NBPF26: variants seen among roughly 807,000 people sequenced by gnomAD.
NBPF26 encodes the protein NBPF member 26.
NBPF26 carries 79 observed loss-of-function variants against 119.6 expected under a neutral mutation model. The observed-to-expected ratio is 0.66, with a 90% CI of 0.55 to 0.80. The LOEUF (loss-of-function observed/expected upper bound fraction) is 0.80. NBPF26 is among the 30% of genes least tolerant of loss of function. The pLI is 0.00. For synonymous variants in NBPF26, 299 were observed against 457.7 expected, an observed-to-expected ratio of 0.65 and a Z score of 4.43; for missense variants, 800 against 1,198.2, an observed-to-expected ratio of 0.67 and a Z score of 4.91.
Position 120,765,241 on chromosome 1 carries a change from C to G in NBPF26, c.155+1532C>G, listed in dbSNP as rs1283396616. ...AGATAATAAGGGAGGGAACTTAATA[C>G]CTTAGAGTAGGCCACTGAAATCTTG... is the stretch of plus-strand genomic sequence containing the variant. On this transcript the variant is annotated intron_variant, in intron 2 of 29. Transcript: ENST00000620612. 1.9e-5 allele frequency among the ~76,000 whole-genome samples: 2 copies of G among 102,922 alleles called. 1 individual carries two copies. Among genetic ancestry groups the G allele is most frequent in the Non-Finnish European group, 3.7e-5 (2 of 53,802 alleles). The allele number at this position is 102,922 out of a possible 152,430, so 67.5% of individuals were successfully genotyped here.
intron 4 of NBPF26, among the ~76,000 whole-genome samples, chr1:120,794,803 GT>G (rs1372869859): frequency 3.0e-5 from 1 of 33,546 alleles, no homozygotes. Context: ...ATTACTTTTA[GT>G]TTCTCTTTTA....
In NBPF26 at chr1:120,811,870, C is replaced by T; in HGVS notation, c.1565-16C>T. ...CAGTTTTTAACCCATCATGTGTTTG[C>T]CTTTCTTCTCCCCAGTCCCTGGCCC... On this transcript the variant is annotated splice_polypyrimidine_tract_variant and intron_variant, in intron 9 of 29. Coordinates refer to ENST00000620612, the Ensembl canonical transcript of NBPF26. 3.8e-6 allele frequency: 3 copies of T among 797,030 alleles called. No individual in the cohort carries two copies. The highest frequency in any genetic ancestry group is 1.4e-5 in the South Asian group (1 of 69,490). The allele number at this position is 797,030 out of a possible 1,614,324, so 49.4% of individuals were successfully genotyped here. A position where few individuals can be genotyped will look rare whatever the true frequency, so the allele number is the denominator to read the frequency against.
At chr1:120,809,570 A>T (rs1651804627) in intron 7 of NBPF26, among the ~76,000 whole-genome samples, 1 of 151,880 alleles carries the variant, frequency 6.6e-6, no homozygotes, top group Non-Finnish European at 1.5e-5. Flanking sequence ...CTCCAGTGAT[A>T]TGGGAAGCAA....
chr1:120,777,459 G>T lies in NBPF26; in HGVS notation c.156-7515G>T, dbSNP rs1408619611. 7.1e-4 allele frequency among the ~76,000 whole-genome samples: 76 copies of T among 106,468 alleles called. 29 individuals are homozygous for T. The highest frequency in any genetic ancestry group is 4.5e-3 in the African/African-American group (76 of 17,006). The allele number at this position is 106,468 out of a possible 152,430, so 69.8% of individuals were successfully genotyped here. On this transcript the variant is annotated intron_variant, in intron 2 of 29. Coordinates refer to ENST00000620612, the Ensembl canonical transcript of NBPF26. ...AAAGTGTGTATGTGTGTGTGTACGT[G>T]TGTGAGAGTGAGAGATTGTATACTT...
chr1:120,813,061 G>A (rs1210952445), intron 10 of NBPF26, among the ~76,000 whole-genome samples: 2,073 of 118,030 alleles, frequency 0.018, 13 homozygotes, highest in Non-Finnish European at 0.024. Flanking sequence ...GATCGCACCC[G>A]AGAATGTGTG....
intron 16 of NBPF26, among the ~76,000 whole-genome samples, 181 bp from the exon 17 acceptor site, chr1:120,823,127 GA>G (rs1652157777): frequency 8.7e-6 from 1 of 114,746 alleles, no homozygotes; most frequent in Admixed American, 8.4e-5. Context: ...CAAGGCTCAT[GA>G]AAGAACCCAA....
Position 120,823,847 on chromosome 1 carries a change from T to C in NBPF26, c.2640-127T>C, listed in dbSNP as rs1207687835. On this transcript the variant is annotated intron_variant, in intron 17 of 29. Transcript: ENST00000620612. ...ATCCCAACATAAAGGCAATAATCTG[T>C]TACCTCATTAATGGATCTGTCCTTT... The C allele has an allele frequency of 1.1e-5, 6 of 558,840 alleles. 1 individual carries two copies. Among genetic ancestry groups the C allele is most frequent in the Non-Finnish European group, 1.9e-5 (6 of 315,866 alleles). The allele number at this position is 558,840 out of a possible 1,614,324, so 34.6% of individuals were successfully genotyped here.
intron 2 of NBPF26, 36 bp from the exon 3 acceptor site, chr1:120,784,938 C>G: frequency 8.0e-7 from 1 of 1,242,254 alleles, no homozygotes; most frequent in Non-Finnish European, 1.1e-6. Flanking sequence ...TACAAGAAGT[C>G]AGGTGTTTTC....
At chr1:120,787,176 AAT>A (rs1339303940) in intron 3 of NBPF26, among the ~76,000 whole-genome samples, 1 of 91,534 alleles carries the variant, frequency 1.1e-5, no homozygotes. Context: ...TGGCAATCTT[AAT>A]ATATATATAT....
In NBPF26 at chr1:120,810,990, G is replaced by A. The variant is rs1553270902; in HGVS notation, c.1564+432G>A. ...GCGCAGTGGGTCACACCTGTAATCC[G>A]AGCACTTTGGGAGGCCGAGGCGGGT... On this transcript the variant is annotated intron_variant, in intron 9 of 29. Coordinates refer to ENST00000620612, the Ensembl canonical transcript of NBPF26. 3.8e-5 allele frequency among the ~76,000 whole-genome samples: 4 copies of A among 105,306 alleles called. 1 individual carries two copies. The highest frequency in any genetic ancestry group is 1.8e-4 in the African/African-American group (3 of 17,134). The allele number at this position is 105,306 out of a possible 152,430, so 69.1% of individuals were successfully genotyped here.
downstream of NBPF26, chr1:120,840,631 G>A: frequency 6.9e-7 from 1 of 1,453,260 alleles, no homozygotes; most frequent in Non-Finnish European, 9.2e-7. Context: ...ATTCCTGCAG[G>A]CAGGACCTAT....
chr1:120,758,233 G>T (rs1651096443), intron 1 of NBPF26, among the ~76,000 whole-genome samples: 1 of 121,432 alleles, frequency 8.2e-6, no homozygotes, highest in Non-Finnish European at 1.6e-5. Flanking sequence ...GCCAGCATGG[G>T]AGCCTAGACT....
intron 16 of NBPF26, among the ~76,000 whole-genome samples, chr1:120,823,080 T>A (rs1290055800): frequency 2.5e-5 from 3 of 118,910 alleles, no homozygotes; most frequent in African/African-American, 8.5e-5. Context: ...ACAGAGCACA[T>A]AGGGAAGATA....
downstream of NBPF26, chr1:120,840,795 T>C (rs2101559039): frequency 1.6e-6 from 1 of 640,184 alleles, no homozygotes; most frequent in East Asian, 2.8e-5. Context: ...GTGTGACACG[T>C]TCACATAACT....
At position 120,724,133 on chromosome 1, in the gene NBPF26, G is replaced by A. The variant is rs1299291887; in HGVS notation, c.-45G>A. 2.3e-5 allele frequency: 31 copies of A among 1,358,450 alleles called. 7 individuals are homozygous for A. The highest frequency in any genetic ancestry group is 2.8e-5 in the Non-Finnish European group (29 of 1,047,112). 84.1% of individuals were successfully genotyped at this position (1,358,450 alleles called of 1,614,324 possible). On this transcript the variant is annotated 5_prime_UTR_variant, in exon 1 of 30. Transcript: ENST00000620612. ...CTCCCCATGTGGATCTGCCCAGGCG[G>A]CGGCGGCGGCGGCGGCGGAGGAGGA...
chr1:120,822,994 C>G lies in NBPF26; in HGVS notation c.2588-315C>G, dbSNP rs1180167663. Among the ~76,000 whole-genome samples, 2 of 125,672 alleles carry G rather than the reference C, an allele frequency of 1.6e-5. 1 individual carries two copies. Among genetic ancestry groups the G allele is most frequent in the African/African-American group, 7.6e-5 (2 of 26,454 alleles). 82.4% of individuals were successfully genotyped at this position (125,672 alleles called of 152,430 possible). A position where few individuals can be genotyped will look rare whatever the true frequency, so the allele number is the denominator to read the frequency against. ...AGAAAAGCCTAATATTGAAGTATCT[C>G]TCCTATGAGGTGTTAGAACTATTTG... On this transcript the variant is annotated intron_variant, in intron 16 of 29. Coordinates refer to ENST00000620612, the Ensembl canonical transcript of NBPF26.
At chr1:120,777,950 G>T (rs2101437916) in intron 2 of NBPF26, among the ~76,000 whole-genome samples, 1 of 89,604 alleles carries the variant, frequency 1.1e-5, no homozygotes, top group Non-Finnish European at 2.0e-5. Context: ...CAGCCTAGAA[G>T]TTTAGACTTG....
chr1:120,836,498 A>G lies in NBPF26; in HGVS notation c.3545-19A>G. ...GAGAACCAGCTTAATATGTCTGTCCATGTCTGAACTTATTGCAGAAATTGA... is the reference window on the plus strand; with the variant it reads ...GAGAACCAGCTTAATATGTCTGTCCGTGTCTGAACTTATTGCAGAAATTGA... On this transcript the variant is annotated intron_variant, in intron 24 of 29. Coordinates refer to ENST00000620612, the Ensembl canonical transcript of NBPF26. 1.2e-5 allele frequency: 1 copy of G among 82,676 alleles called. No homozygotes were observed. The highest frequency in any genetic ancestry group is 2.1e-5 in the Non-Finnish European group (1 of 46,812). The allele number at this position is 82,676 out of a possible 1,614,324, so 5.1% of individuals were successfully genotyped here.
At chr1:120,801,620 A>T (rs1305317336) in intron 4 of NBPF26, among the ~76,000 whole-genome samples, 2 of 103,610 alleles carry the variant, frequency 1.9e-5, no homozygotes, top group Non-Finnish European at 3.6e-5. Flanking sequence ...GCTTGAGGCC[A>T]GAAGTTCAAA....
Sources: allele counts gnomAD v4.1 joint callset (sites outside exome capture counted in the v4.1 genomes callset), GRCh38; gene constraint gnomAD v4.1.1; transcripts MANE v1.5; gene names NCBI Gene and HGNC (gene_info 2026-07-23, HGNC 2026-07-21).